Variants in ADGRB3 observed in about 807,000 individuals in gnomAD.
ADGRB3 encodes the protein adhesion G protein-coupled receptor B3.
In ADGRB3, 37 loss-of-function variants were observed where a neutral mutation model predicts 193.4. The ratio of observed to expected loss-of-function variants is 0.19; its 90% confidence interval spans 0.15 to 0.25. The LOEUF (loss-of-function observed/expected upper bound fraction) is 0.25, where lower values mean the gene tolerates loss of function less well. Among genes scored for constraint, ADGRB3 ranks in the 10% least tolerant of loss-of-function variants. The pLI is 1.00. For missense variants in ADGRB3, 1,637 were observed against 1,852.9 expected, an observed-to-expected ratio of 0.88 and a Z score of 2.14; for synonymous variants, 690 against 644.2, an observed-to-expected ratio of 1.07 and a Z score of -1.08.
At chr6:68,774,149 ATGT>A (rs1766692986) in intron 3 of ADGRB3, among the ~76,000 whole-genome samples, 1 of 67,872 alleles carries the variant, frequency 1.5e-5, no homozygotes, top group Non-Finnish European at 2.7e-5. Context: ...AGTATTTAAA[ATGT>A]TATTTTTTTT....
At chr6:68,823,932 T>C (rs989745191) in intron 3 of ADGRB3, among the ~76,000 whole-genome samples, 2 of 152,176 alleles carry the variant, frequency 1.3e-5, no homozygotes, top group Non-Finnish European at 2.9e-5. Context: ...CGTTATTTTT[T>C]CTGAGAACTT....
chr6:69,174,316 A>G (rs566630110), intron 17 of ADGRB3, among the ~76,000 whole-genome samples: 12 of 152,170 alleles, frequency 7.9e-5, no homozygotes, highest in Admixed American at 4.6e-4. Flanking sequence ...TGAGTACCCA[A>G]TGTTTTGTTC....
rs563271992 is a variant in ADGRB3, at chr6:69,040,035, C to T, written c.2108-8150C>T. Among the ~76,000 whole-genome samples, 143 of 152,108 alleles carry T rather than the reference C, an allele frequency of 9.4e-4. No homozygotes were observed. In the South Asian group the frequency reaches 0.01, roughly 11 times the overall value. The stretch of plus-strand genomic sequence containing the variant: ...GATTACAGGTGTGAGCCACCATGCC[C>T]GGCCCTACATAATCGTTTTGAGATA... On this transcript the variant is annotated intron_variant, in intron 13 of 31. Transcript: ENST00000370598.
chr6:69,314,634 C>A (rs1281654384), intron 20 of ADGRB3, among the ~76,000 whole-genome samples: 2 of 151,480 alleles, frequency 1.3e-5, no homozygotes, highest in Non-Finnish European at 3.0e-5. Context: ...GAACTAAAAT[C>A]CATCATATCT....
intron 3 of ADGRB3, among the ~76,000 whole-genome samples, chr6:68,911,277 G>A (rs144119273): frequency 2.5e-5 from 3 of 120,146 alleles, no homozygotes; most frequent in African/African-American, 9.8e-5. Flanking sequence ...TGGGGTGGGG[G>A]GAGGGGGGAG....
intron 15 of ADGRB3, among the ~76,000 whole-genome samples, chr6:69,052,209 A>T (rs1244785029): frequency 6.6e-6 from 1 of 152,200 alleles, no homozygotes; most frequent in Admixed American, 6.5e-5. Flanking sequence ...ATCTGATAAA[A>T]TATCGTATAT....
chr6:69,238,695 G>C (rs990545311), intron 19 of ADGRB3, among the ~76,000 whole-genome samples: 2 of 151,494 alleles, frequency 1.3e-5, no homozygotes, highest in African/African-American at 4.8e-5. Context: ...TTTTCTTTTT[G>C]GTTCTCAAAG....
intron 3 of ADGRB3, among the ~76,000 whole-genome samples, chr6:68,756,738 A>G (rs773609195): frequency 1.3e-5 from 2 of 152,152 alleles, no homozygotes; most frequent in Non-Finnish European, 2.9e-5. Context: ...TTTAATTCCA[A>G]AACTCTTGGT....
At chr6:68,661,407 ATG>A (rs5877165) in intron 3 of ADGRB3, among the ~76,000 whole-genome samples, 611 of 38,124 alleles carry the variant, frequency 0.016, 146 homozygotes, top group African/African-American at 0.063. Context: ...ATACATATAT[ATG>A]TGTGTGTATA....
intron 18 of ADGRB3, among the ~76,000 whole-genome samples, chr6:69,234,494 AG>A (rs769348678): frequency 4.6e-5 from 7 of 152,186 alleles, no homozygotes; most frequent in Non-Finnish European, 7.4e-5. Flanking sequence ...TCAGAAGCCA[AG>A]CAAGTACAAT....
At chr6:68,648,134 A>G (rs1768258279) in intron 3 of ADGRB3, among the ~76,000 whole-genome samples, 1 of 152,194 alleles carries the variant, frequency 6.6e-6, no homozygotes, top group African/African-American at 2.4e-5. Context: ...GTAAAAGTTT[A>G]ATAAAGTATT....
At chr6:68,676,191 G>A (rs1035833241) in intron 3 of ADGRB3, among the ~76,000 whole-genome samples, 5 of 151,934 alleles carry the variant, frequency 3.3e-5, no homozygotes, top group African/African-American at 1.2e-4. Context: ...AGGAGATGGA[G>A]ACCATCCTGG....
chr6:69,221,991 A>G (rs576740732), intron 17 of ADGRB3, among the ~76,000 whole-genome samples: 2 of 152,330 alleles, frequency 1.3e-5, no homozygotes, highest in South Asian at 4.1e-4. Context: ...ACAGTAAGAA[A>G]AAAAGAAATT....
chr6:68,660,006 TA>T (rs527266565), intron 3 of ADGRB3, among the ~76,000 whole-genome samples: 1 of 150,002 alleles, frequency 6.7e-6, no homozygotes, highest in South Asian at 2.1e-4. Flanking sequence ...TATCACTGAT[TA>T]AAACCATACT....
At chr6:68,851,638 C>T (rs961324264) in intron 3 of ADGRB3, among the ~76,000 whole-genome samples, 5 of 151,768 alleles carry the variant, frequency 3.3e-5, no homozygotes, top group African/African-American at 9.7e-5. Flanking sequence ...AATATCAAAA[C>T]ATCATTATTT....
intron 3 of ADGRB3, among the ~76,000 whole-genome samples, chr6:68,737,387 T>C (rs1032100089): frequency 3.9e-5 from 6 of 152,268 alleles, no homozygotes; most frequent in Admixed American, 2.0e-4. Flanking sequence ...GTATAATTTT[T>C]CAATGGTATT....
intron 17 of ADGRB3, among the ~76,000 whole-genome samples, chr6:69,183,265 A>T (rs2150352227): frequency 6.6e-6 from 1 of 152,276 alleles, no homozygotes; most frequent in East Asian, 1.9e-4. Context: ...GGAAGCCTTC[A>T]AATGAAATGG....
chr6:68,735,716 G>A (rs1440189871), intron 3 of ADGRB3, among the ~76,000 whole-genome samples: 2 of 151,922 alleles, frequency 1.3e-5, no homozygotes, highest in Admixed American at 1.3e-4. Context: ...ATTATTCCAT[G>A]GACGCTTATG....
At chr6:68,868,952 T>TGTGTGTG (rs1562064133) in intron 3 of ADGRB3, among the ~76,000 whole-genome samples, 13 of 114,436 alleles carry the variant, frequency 1.1e-4, no homozygotes, top group East Asian at 4.0e-4. Flanking sequence ...AGTGTGTGTG[T>TGTGTGTG]TTAAACTTAA....
Sources: allele counts gnomAD v4.1 joint callset (sites outside exome capture counted in the v4.1 genomes callset), GRCh38; gene constraint gnomAD v4.1.1; transcripts MANE v1.5; gene names NCBI Gene and HGNC (gene_info 2026-07-23, HGNC 2026-07-21).